The following LDLRAD4 variants were observed in gnomAD, a reference collection of about 807,000 sequenced individuals.
The protein encoded by LDLRAD4 is low density lipoprotein receptor class A domain containing 4.
A neutral mutation model predicts 17.0 loss-of-function variants in LDLRAD4; 5 were observed. The ratio of observed to expected loss-of-function variants is 0.29; its 90% CI spans 0.15 to 0.62. The LOEUF is 0.62. LDLRAD4 is among the 20% of genes least tolerant of loss of function. The pLI, the probability that LDLRAD4 is intolerant of heterozygous loss-of-function variation, is 0.84. For missense variants in LDLRAD4, 340 were observed against 424.7 expected (o/e 0.80, Z 1.75); for synonymous variants, 168 against 171.8 (o/e 0.98, Z 0.17).
chr18:13,289,685 A>G (rs1052729745), intron 1 of LDLRAD4, among the ~76,000 whole-genome samples: 1 of 151,152 alleles, frequency 6.6e-6, no homozygotes, highest in Non-Finnish European at 1.5e-5. Context: ...ATGCTCAGCC[A>G]CAGACCCAGC....
At chr18:13,258,623 G>A (rs1019064866) in intron 1 of LDLRAD4, among the ~76,000 whole-genome samples, 2 of 152,140 alleles carry the variant, frequency 1.3e-5, no homozygotes, top group African/African-American at 2.4e-5. Context: ...TTTCAGAATT[G>A]TCCTTCCTTC....
At chr18:13,650,454 A>C (rs2043197910) in exon 6 of LDLRAD4, 2 of 398,128 alleles carry the variant, frequency 5.0e-6, no homozygotes, top group South Asian at 2.7e-4. Context: ...ATATATGTAG[A>C]TATACCCCTA....
At chr18:13,590,304 A>G (rs2095002344) in intron 3 of LDLRAD4, among the ~76,000 whole-genome samples, 2 of 115,384 alleles carry the variant, frequency 1.7e-5, no homozygotes, top group African/African-American at 3.5e-5. Flanking sequence ...ATAGGGGTGT[A>G]TGTGCGTGTG....
intron 2 of LDLRAD4, among the ~76,000 whole-genome samples, chr18:13,404,387 C>T (rs530262387): frequency 1.3e-5 from 2 of 152,244 alleles, no homozygotes; most frequent in Non-Finnish European, 2.9e-5. Flanking sequence ...CTGGCTGTGC[C>T]TTCACGACGC....
At chr18:13,327,495 A>G (rs111447454) in intron 1 of LDLRAD4, among the ~76,000 whole-genome samples, 387 of 152,298 alleles carry the variant, frequency 2.5e-3, no homozygotes, top group Non-Finnish European at 4.3e-3. Context: ...GCTTCAGGCA[A>G]GTCTTTGAAA....
chr18:13,628,953 C>T (rs1318402841), intron 4 of LDLRAD4, among the ~76,000 whole-genome samples: 1 of 152,218 alleles, frequency 6.6e-6, no homozygotes, highest in African/African-American at 2.4e-5. Flanking sequence ...GCCTCAGCCT[C>T]CTGCGTAGCT....
chr18:13,335,860 T>C (rs1422301758), intron 1 of LDLRAD4, among the ~76,000 whole-genome samples: 1 of 152,176 alleles, frequency 6.6e-6, no homozygotes, highest in African/African-American at 2.4e-5. Flanking sequence ...ATAGATGACT[T>C]GATTTCTTTT....
At chr18:13,456,913 C>T (rs1372949994) in intron 3 of LDLRAD4, among the ~76,000 whole-genome samples, 2 of 152,250 alleles carry the variant, frequency 1.3e-5, no homozygotes, top group African/African-American at 2.4e-5. Context: ...CCTTCCACTC[C>T]TCCTTCACCT....
intron 2 of LDLRAD4, among the ~76,000 whole-genome samples, chr18:13,422,223 T>C (rs1346186863): frequency 6.6e-6 from 1 of 152,170 alleles, no homozygotes; most frequent in Non-Finnish European, 1.5e-5. Context: ...GGGCTTACAC[T>C]GTGGGAGGTC....
rs1319062341 is a variant in LDLRAD4 at position 13,398,333 on chromosome 18, A to G, written c.40+10571A>G. On this transcript the variant is annotated intron_variant, in intron 2 of 5. Coordinates refer to ENST00000359446, the Ensembl canonical transcript of LDLRAD4. This position sits in a 1 kb window ranked among gnomAD's most constrained non-coding sequence, Gnocchi z 4.8. The stretch of plus-strand genomic sequence containing the variant: ...TTTTGGAATGCTTAGGCGTGAAAGC[A>G]GCACAGCGTCACGGTGGTGATGCTT... 6.6e-6 allele frequency among the ~76,000 whole-genome samples: 1 copy of G among 152,230 alleles called. No individual in the cohort carries two copies. Among genetic ancestry groups the G allele is most frequent in the Non-Finnish European group, 1.5e-5 (1 of 68,038 alleles).
chr18:13,240,655 C>G (rs898138513), intron 1 of LDLRAD4: 1 of 152,308 alleles, frequency 6.6e-6, no homozygotes, highest in Non-Finnish European at 1.5e-5. Context: ...CGCATGTATG[C>G]GTGCGCACCG....
intron 1 of LDLRAD4, among the ~76,000 whole-genome samples, chr18:13,262,803 C>CGGGT (rs2043962225): frequency 2.6e-5 from 2 of 78,066 alleles, no homozygotes; most frequent in Non-Finnish European, 2.2e-5. Context: ...TGCGTGGAAA[C>CGGGT]TGAGTCCCGT....
In LDLRAD4 at chr18:13,265,451, T is replaced by C. The variant is rs149758484; in HGVS notation, c.-466-12654T>C. 3.4e-3 allele frequency among the ~76,000 whole-genome samples: 522 copies of C among 152,300 alleles called. 3 individuals carry two copies. Among genetic ancestry groups the C allele is most frequent in the African/African-American group, 0.012 (492 of 41,560 alleles). On this transcript the variant is annotated intron_variant, in intron 1 of 5. Coordinates refer to the LDLRAD4 transcript ENST00000399848. ...CACTGTGCTGCCTGGAGCATGGCTTTCTCTGTCCTGCAGCACAAATGTCAG... is the reference window on the plus strand; with the variant it reads ...CACTGTGCTGCCTGGAGCATGGCTTCCTCTGTCCTGCAGCACAAATGTCAG...
chr18:13,299,015 A>G (rs1030871383), intron 1 of LDLRAD4, among the ~76,000 whole-genome samples: 3 of 152,228 alleles, frequency 2.0e-5, no homozygotes, highest in African/African-American at 7.2e-5. Context: ...TTTACGTAGT[A>G]TGTAGGCATT....
chr18:13,337,220 G>A (rs1008754251), intron 1 of LDLRAD4, among the ~76,000 whole-genome samples: 6 of 152,118 alleles, frequency 3.9e-5, no homozygotes, highest in South Asian at 2.1e-4. Context: ...AGTCCCATTC[G>A]CGCACTCATA....
intron 3 of LDLRAD4, among the ~76,000 whole-genome samples, chr18:13,589,932 G>A (rs2094988930): frequency 6.6e-6 from 1 of 152,148 alleles, no homozygotes; most frequent in African/African-American, 2.4e-5. Context: ...AAAGCCAGTG[G>A]GGAAAGACAA....
chr18:13,496,532 C>T (rs918915821), intron 3 of LDLRAD4, among the ~76,000 whole-genome samples: 26 of 152,136 alleles, frequency 1.7e-4, no homozygotes, highest in Admixed American at 2.6e-4. Flanking sequence ...AGAGGAAGAA[C>T]GGAGGAGATC....
intron 2 of LDLRAD4, among the ~76,000 whole-genome samples, chr18:13,434,790 T>A (rs996340893): frequency 2.0e-5 from 3 of 152,244 alleles, no homozygotes; most frequent in African/African-American, 7.2e-5. Flanking sequence ...TTCTTCTTTG[T>A]AAATTAGCAA....
chr18:13,230,572 T>A (rs967447562), intron 1 of LDLRAD4, among the ~76,000 whole-genome samples: 13 of 150,138 alleles, frequency 8.7e-5, no homozygotes, highest in African/African-American at 3.2e-4. Context: ...TGTAGGAGTA[T>A]ATGCTTCAGA....
Sources: allele counts gnomAD v4.1 joint callset (sites outside exome capture counted in the v4.1 genomes callset), GRCh38; gene constraint gnomAD v4.1.1; non-coding constraint Gnocchi (gnomAD v3.1); transcripts MANE v1.5; gene names NCBI Gene and HGNC (gene_info 2026-07-23, HGNC 2026-07-21).